The following GALNT13 variants were observed in gnomAD, a reference collection of about 807,000 sequenced individuals.
GALNT13 encodes UDP-GalNAc:polypeptide N-acetylgalactosaminyltransferase 13.
A neutral mutation model predicts 64.2 loss-of-function variants in GALNT13; 28 were observed. The observed-to-expected ratio is 0.44, with a 90% CI of 0.32 to 0.60. GALNT13 has a LOEUF of 0.60. Among genes scored for constraint, GALNT13 ranks in the 20% least tolerant of loss-of-function variants. The pLI is 0.05. For missense variants in GALNT13, 577 were observed against 669.8 expected (o/e 0.86, Z 1.53); for synonymous variants, 214 against 224.6 (o/e 0.95, Z 0.42).
the GALNT13 span, among the ~76,000 whole-genome samples, chr2:153,230,493 A>C: frequency 9.9e-5 from 15 of 152,208 alleles, no homozygotes; most frequent in African/African-American, 3.6e-4. Context: ...GCATGAAGCC[A>C]CAATTTTATT....
At chr2:154,290,431 T>C (rs899359458) in intron 8 of GALNT13, among the ~76,000 whole-genome samples, 13 of 152,224 alleles carry the variant, frequency 8.5e-5, no homozygotes, top group African/African-American at 3.1e-4. Context: ...CGGGGTAGAC[T>C]GAGATTACAG....
chr2:153,961,556 A>G (rs1034157425), intron 3 of GALNT13, among the ~76,000 whole-genome samples: 2 of 152,238 alleles, frequency 1.3e-5, no homozygotes, highest in East Asian at 3.9e-4. Context: ...AGACATGTAT[A>G]TACAACACCC....
At chr2:153,182,118 A>C in the GALNT13 span, among the ~76,000 whole-genome samples, 1 of 151,002 alleles carries the variant, frequency 6.6e-6, no homozygotes, top group Admixed American at 6.6e-5. Flanking sequence ...ATTTCAGCTC[A>C]CTGCAAGCTC....
the GALNT13 span, among the ~76,000 whole-genome samples, chr2:153,733,251 TATAG>T: frequency 1.3e-5 from 2 of 152,202 alleles, no homozygotes; most frequent in East Asian, 3.8e-4. Flanking sequence ...ACAGTTGGGC[TATAG>T]ATAATCTCAG....
At chr2:153,542,361 A>C in the GALNT13 span, among the ~76,000 whole-genome samples, 4,475 of 70,446 alleles carry the variant, frequency 0.064, 153 homozygotes, top group African/African-American at 0.22. Flanking sequence ...CACACACACA[A>C]AAAAAAAACC....
chr2:153,476,479 C>T, the GALNT13 span, among the ~76,000 whole-genome samples: 1 of 152,168 alleles, frequency 6.6e-6, no homozygotes, highest in Non-Finnish European at 1.5e-5. Context: ...CAAGTTTATG[C>T]TCGAAGCTAT....
intron 3 of GALNT13, among the ~76,000 whole-genome samples, chr2:154,031,462 A>G (rs999865094): frequency 2.0e-5 from 3 of 152,042 alleles, no homozygotes; most frequent in Admixed American, 2.0e-4. Context: ...TAAAAACTGA[A>G]TGACAGATTG....
chr2:154,030,135 CAAAG>C (rs951124031), intron 3 of GALNT13, among the ~76,000 whole-genome samples: 1 of 146,908 alleles, frequency 6.8e-6, no homozygotes, highest in African/African-American at 2.4e-5. Context: ...AAATTAATGA[CAAAG>C]AAATTAAGGA....
chr2:153,644,615 A>G, the GALNT13 span, among the ~76,000 whole-genome samples: 2 of 152,076 alleles, frequency 1.3e-5, no homozygotes, highest in Admixed American at 1.3e-4. Flanking sequence ...GCTATAAGGT[A>G]TATAACTGTC....
At chr2:153,644,655 C>A in the GALNT13 span, among the ~76,000 whole-genome samples, 1 of 152,044 alleles carries the variant, frequency 6.6e-6, no homozygotes, top group Non-Finnish European at 1.5e-5. Flanking sequence ...CCTACCTCTA[C>A]CCCTTCACCA....
At chr2:154,192,008 G>C (rs1686612395) in intron 4 of GALNT13, among the ~76,000 whole-genome samples, 1 of 152,282 alleles carries the variant, frequency 6.6e-6, no homozygotes, top group Admixed American at 6.5e-5. Context: ...TTGACTGGAG[G>C]TAGCTCTCAG....
At chr2:153,326,929 C>G in the GALNT13 span, among the ~76,000 whole-genome samples, 1 of 151,856 alleles carries the variant, frequency 6.6e-6, no homozygotes, top group Non-Finnish European at 1.5e-5. Context: ...ACTAAAAATA[C>G]GAAAATTAGC....
intron 9 of GALNT13, among the ~76,000 whole-genome samples, chr2:154,366,666 G>C (rs1043913975): frequency 6.6e-6 from 1 of 152,188 alleles, no homozygotes; most frequent in Non-Finnish European, 1.5e-5. Flanking sequence ...TGAGAACTAA[G>C]GTTATATGTC....
intron 9 of GALNT13, among the ~76,000 whole-genome samples, chr2:154,363,583 AG>A (rs2105291461): frequency 6.6e-6 from 1 of 152,320 alleles, no homozygotes; most frequent in South Asian, 2.1e-4. Flanking sequence ...TATGAAAAAA[AG>A]CAAAGAACAG....
the GALNT13 span, among the ~76,000 whole-genome samples, chr2:153,674,393 T>C: frequency 2.6e-5 from 4 of 151,960 alleles, no homozygotes; most frequent in Non-Finnish European, 5.9e-5. Context: ...TAAGAAATAA[T>C]ACCATACATC....
At chr2:153,689,204 C>A in the GALNT13 span, among the ~76,000 whole-genome samples, 1 of 151,760 alleles carries the variant, frequency 6.6e-6, no homozygotes, top group African/African-American at 2.4e-5. Flanking sequence ...TCAGTTAATC[C>A]ACATTCATGC....
At chr2:153,742,338 G>T in the GALNT13 span, among the ~76,000 whole-genome samples, 1 of 151,924 alleles carries the variant, frequency 6.6e-6, no homozygotes, top group East Asian at 1.9e-4. Flanking sequence ...TTTTAAGGCT[G>T]AATAATACTT....
the GALNT13 span, among the ~76,000 whole-genome samples, chr2:153,597,718 A>G: frequency 6.6e-6 from 1 of 152,146 alleles, no homozygotes; most frequent in Non-Finnish European, 1.5e-5. Context: ...TTTGCAAATC[A>G]TATATATGAT....
At chr2:154,018,370 C>A (rs1697157525) in intron 3 of GALNT13, among the ~76,000 whole-genome samples, 1 of 152,196 alleles carries the variant, frequency 6.6e-6, no homozygotes, top group African/African-American at 2.4e-5. Flanking sequence ...TAATTGTCCA[C>A]ACCTTGTCCA....
Sources: gnomAD v4.1 joint callset for allele counts (sites outside exome capture counted in the v4.1 genomes callset) on GRCh38, gnomAD v4.1.1 for gene constraint, MANE v1.5 for transcripts, NCBI Gene and HGNC (gene_info 2026-07-23, HGNC 2026-07-21) for gene names.